Variants in ZFHX3 observed in about 807,000 individuals in gnomAD.
ZFHX3 encodes the protein zinc finger homeobox protein 3.
A neutral mutation model predicts 279.1 loss-of-function variants in ZFHX3; 42 were observed. The ratio of observed to expected loss-of-function variants is 0.15; its 90% CI spans 0.12 to 0.19. ZFHX3 has a LOEUF of 0.19. Ranked by LOEUF, ZFHX3 falls within the 10% of genes least tolerant of loss-of-function variation. The probability of loss-of-function intolerance (pLI) is 1.00; values close to 1 mark genes in which losing one functional copy is unlikely to be tolerated. For missense variants in ZFHX3, 4,981 were observed against 4,754.0 expected, an observed-to-expected ratio of 1.05 and a Z score of -1.40; for synonymous variants, 2,293 against 1,957.8, an observed-to-expected ratio of 1.17 and a Z score of -4.52.
chr16:73,075,970 G>T, intron 8 of ZFHX3, among the ~76,000 whole-genome samples: 1 of 152,130 alleles, frequency 6.6e-6, no homozygotes, highest in East Asian at 1.9e-4. Flanking sequence ...TAGAGAACAG[G>T]AAGATTACCA....
chr16:72,861,033 G>A (rs549021040), intron 4 of ZFHX3, among the ~76,000 whole-genome samples: 3 of 152,210 alleles, frequency 2.0e-5, no homozygotes, highest in African/African-American at 2.4e-5. Flanking sequence ...CAACAGCAAC[G>A]GGTCAGCAGA....
intron 2 of ZFHX3, among the ~76,000 whole-genome samples, chr16:73,466,993 C>A (rs1370440181): frequency 6.6e-6 from 1 of 152,072 alleles, no homozygotes; most frequent in Admixed American, 6.5e-5. Flanking sequence ...GCGTGACAGA[C>A]CTGACATGTC....
chr16:73,168,620 T>C (rs1181864390), intron 5 of ZFHX3, among the ~76,000 whole-genome samples: 3 of 152,064 alleles, frequency 2.0e-5, no homozygotes, highest in African/African-American at 7.2e-5. Context: ...TTCTCTTCTC[T>C]CCATTCTCTC....
intron 1 of ZFHX3, among the ~76,000 whole-genome samples, chr16:73,807,699 G>C (rs1960317545): frequency 7.3e-6 from 1 of 136,536 alleles, no homozygotes; most frequent in Admixed American, 8.5e-5. Context: ...TTGAACTCCT[G>C]AGCTCAAGCA....
At chr16:73,760,043 AC>A (rs1200924601) in intron 1 of ZFHX3, among the ~76,000 whole-genome samples, 3 of 151,988 alleles carry the variant, frequency 2.0e-5, no homozygotes, top group Non-Finnish European at 1.5e-5. Context: ...AAAACAGACA[AC>A]TGGCTAGATG....
At chr16:73,762,433 T>A (rs2053879468) in intron 1 of ZFHX3, among the ~76,000 whole-genome samples, 1 of 152,162 alleles carries the variant, frequency 6.6e-6, no homozygotes, top group African/African-American at 2.4e-5. Context: ...TCCTTAAAGA[T>A]CTAAAACCAG....
chr16:73,816,781 C>T lies in ZFHX3; in HGVS notation c.-1608+74870G>A, dbSNP rs543200975. On this transcript the variant is annotated intron_variant, in intron 1 of 17. Coordinates refer to the ZFHX3 transcript ENST00000641206. ...GACCAGACTGGATGGTTTGAAGTAACGAAGATGAACTGGATTGAGAGTAGG... is the reference window on the plus strand; with the variant it reads ...GACCAGACTGGATGGTTTGAAGTAATGAAGATGAACTGGATTGAGAGTAGG... 5.3e-5 allele frequency among the ~76,000 whole-genome samples: 8 copies of T among 152,154 alleles called. No individual in the cohort carries two copies. In the South Asian group the frequency reaches 6.2e-4, roughly 12 times the overall value.
chr16:73,416,709 C>T (rs906366481), intron 3 of ZFHX3, among the ~76,000 whole-genome samples: 1 of 151,674 alleles, frequency 6.6e-6, no homozygotes, highest in African/African-American at 2.4e-5. Context: ...CCCGTCTCTA[C>T]TAAAAATACA....
At chr16:73,198,910 C>A (rs951924677) in intron 5 of ZFHX3, among the ~76,000 whole-genome samples, 4 of 152,126 alleles carry the variant, frequency 2.6e-5, no homozygotes, top group African/African-American at 9.7e-5. Flanking sequence ...CTTCTCAAAG[C>A]AAACCATCAA....
At chr16:73,014,630 C>T (rs1368102625) in intron 1 of ZFHX3, among the ~76,000 whole-genome samples, 2 of 145,670 alleles carry the variant, frequency 1.4e-5, no homozygotes, top group Non-Finnish European at 1.5e-5. Context: ...CTGCTTCAAG[C>T]GATTCTCTGC....
At chr16:73,392,869 C>T (rs2017048433) in intron 3 of ZFHX3, among the ~76,000 whole-genome samples, 1 of 152,128 alleles carries the variant, frequency 6.6e-6, no homozygotes, top group Admixed American at 6.5e-5. Context: ...CAGTCTCACT[C>T]TGTTGCCCAG....
chr16:73,060,606 G>T (rs1481256288), upstream of ZFHX3: 1 of 143,306 alleles, frequency 7.0e-6, no homozygotes, highest in Non-Finnish European at 1.5e-5. Context: ...AAAATGACAA[G>T]TTGTATTTAT....
intron 7 of ZFHX3, among the ~76,000 whole-genome samples, chr16:73,101,272 A>G (rs1350793256): frequency 1.3e-5 from 2 of 152,204 alleles, no homozygotes; most frequent in Non-Finnish European, 2.9e-5. Context: ...GCCCCATTCA[A>G]GATCTCCTGA....
chr16:72,883,977 G>A (rs1341404500), intron 4 of ZFHX3, among the ~76,000 whole-genome samples: 1 of 151,280 alleles, frequency 6.6e-6, no homozygotes, highest in Non-Finnish European at 1.5e-5. Context: ...ATATTTTAGT[G>A]CTATCAGAAA....
At chr16:73,044,073 G>A (rs1254724578) in intron 1 of ZFHX3, among the ~76,000 whole-genome samples, 6 of 152,126 alleles carry the variant, frequency 3.9e-5, no homozygotes, top group Non-Finnish European at 7.4e-5. Flanking sequence ...CGCCCTTTAT[G>A]ATTTAAACTA....
intron 1 of ZFHX3, among the ~76,000 whole-genome samples, chr16:73,756,122 G>C (rs567232434): frequency 1.3e-5 from 2 of 152,328 alleles, no homozygotes; most frequent in South Asian, 4.1e-4. Context: ...GAAAATCAAT[G>C]AAGAGTTACA....
chr16:73,835,268 A>ATC (rs1330042617), intron 1 of ZFHX3, among the ~76,000 whole-genome samples: 2 of 152,108 alleles, frequency 1.3e-5, no homozygotes, highest in Non-Finnish European at 2.9e-5. Flanking sequence ...AACTGAAAGA[A>ATC]TCCAGACATG....
chr16:73,591,567 C>T (rs2051997026), intron 2 of ZFHX3, among the ~76,000 whole-genome samples: 3 of 150,904 alleles, frequency 2.0e-5, no homozygotes, highest in South Asian at 4.2e-4. Flanking sequence ...GTGGCGGGCA[C>T]CTGTAGTCCC....
At chr16:73,532,995 C>A (rs187255577) in intron 2 of ZFHX3, among the ~76,000 whole-genome samples, 32 of 152,314 alleles carry the variant, frequency 2.1e-4, no homozygotes, top group African/African-American at 7.5e-4. Flanking sequence ...GTCAATTAAA[C>A]CTCTGTTCTT....
Sources: gnomAD v4.1 joint callset for allele counts (sites outside exome capture counted in the v4.1 genomes callset) on GRCh38, gnomAD v4.1.1 for gene constraint, MANE v1.5 for transcripts, NCBI Gene and HGNC (gene_info 2026-07-23, HGNC 2026-07-21) for gene names.